SLIT3: variants seen among roughly 807,000 people sequenced by gnomAD.
The protein encoded by SLIT3 is slit homolog 3 protein.
In SLIT3, 68 loss-of-function variants were observed where a neutral mutation model predicts 184.0. The observed-to-expected ratio is 0.37, with a 90% CI of 0.30 to 0.45. The LOEUF (loss-of-function observed/expected upper bound fraction) is 0.45. Among genes scored for constraint, SLIT3 ranks in the 20% least tolerant of loss-of-function variants. SLIT3 has a pLI of 1.00. For synonymous variants in SLIT3, 831 were observed against 828.6 expected (o/e 1.00, Z -0.05); for missense variants, 1,707 against 2,026.0 (o/e 0.84, Z 3.02).
intron 18 of SLIT3, 103 bp downstream of exon 18, chr5:168,752,852 G>C: frequency 8.3e-7 from 1 of 1,205,476 alleles, no homozygotes; most frequent in Non-Finnish European, 1.2e-6. Context: ...TAAGTGGACA[G>C]ACAGATAGAT....
chr5:168,669,692 T>A, intron 35 of SLIT3, 91 bp downstream of exon 35: 1 of 1,042,964 alleles, frequency 9.6e-7, no homozygotes, highest in Non-Finnish European at 1.5e-6. Flanking sequence ...AGCCTTTAAG[T>A]GGCACAGCCA....
At chr5:168,939,669 T>G (rs1392170559) in intron 4 of SLIT3, among the ~76,000 whole-genome samples, 1 of 152,234 alleles carries the variant, frequency 6.6e-6, no homozygotes, top group Non-Finnish European at 1.5e-5. Flanking sequence ...AAATGGCTCT[T>G]TTTCATAGAT....
chr5:168,832,232 G>C (rs1026478071), intron 6 of SLIT3, among the ~76,000 whole-genome samples: 1 of 152,246 alleles, frequency 6.6e-6, no homozygotes, highest in Admixed American at 6.5e-5. Flanking sequence ...GTCCACAGAT[G>C]CAAGAGTGAC....
At chr5:169,184,927 A>C (rs1305160593) in intron 4 of SLIT3, among the ~76,000 whole-genome samples, 2 of 152,214 alleles carry the variant, frequency 1.3e-5, no homozygotes, top group African/African-American at 4.8e-5. Context: ...TTCCTAGCTC[A>C]AAAATTCTGT....
At chr5:169,179,384 C>A (rs564079247) in intron 4 of SLIT3, among the ~76,000 whole-genome samples, 1 of 150,262 alleles carries the variant, frequency 6.7e-6, no homozygotes, top group Non-Finnish European at 1.5e-5. Flanking sequence ...GCTAGACAAT[C>A]CCTTTCAATG....
intron 15 of SLIT3, among the ~76,000 whole-genome samples, chr5:168,761,154 G>A (rs545157594): frequency 1.2e-4 from 19 of 152,264 alleles, no homozygotes; most frequent in African/African-American, 1.9e-4. Context: ...AGCCTCCTTC[G>A]GCTGGGGTTT....
chr5:169,278,333 G>A (rs1766884832), intron 1 of SLIT3, among the ~76,000 whole-genome samples: 1 of 152,210 alleles, frequency 6.6e-6, no homozygotes, highest in Non-Finnish European at 1.5e-5. Flanking sequence ...CTGAAAAGTA[G>A]GATAAGCTAT....
At chr5:168,689,702 A>G (rs1419802191) in intron 29 of SLIT3, among the ~76,000 whole-genome samples, 1 of 152,240 alleles carries the variant, frequency 6.6e-6, no homozygotes, top group Non-Finnish European at 1.5e-5. Flanking sequence ...GGGAACGTAC[A>G]AGGAGAACTC....
chr5:168,839,386 CAG>C (rs968531262), intron 6 of SLIT3, among the ~76,000 whole-genome samples: 31 of 152,296 alleles, frequency 2.0e-4, no homozygotes, highest in African/African-American at 7.5e-4. Context: ...GGGTCAGTGG[CAG>C]AGTGGGGTCT....
At chr5:169,042,902 C>T (rs148408795) in intron 4 of SLIT3, among the ~76,000 whole-genome samples, 235 of 152,300 alleles carry the variant, frequency 1.5e-3, no homozygotes, top group Non-Finnish European at 2.6e-3. Flanking sequence ...GGCTTACTAT[C>T]GGCTTCCTTA....
intron 1 of SLIT3, among the ~76,000 whole-genome samples, chr5:169,273,741 C>T (rs58606113): frequency 0.28 from 42,853 of 151,944 alleles, 6,207 homozygotes; most frequent in South Asian, 0.38. Context: ...ATAAGGTAAA[C>T]CTTCAGGACT....
At chr5:168,796,816 C>G (rs1318706517) in intron 9 of SLIT3, among the ~76,000 whole-genome samples, 1 of 152,034 alleles carries the variant, frequency 6.6e-6, no homozygotes, top group African/African-American at 2.4e-5. Context: ...AGCAGTTTGC[C>G]AGCAATTTTC....
At chr5:168,702,851 G>GA (rs1173094333) in intron 26 of SLIT3, among the ~76,000 whole-genome samples, 2 of 152,142 alleles carry the variant, frequency 1.3e-5, no homozygotes, top group African/African-American at 4.8e-5. Flanking sequence ...GCAGGACAAA[G>GA]AACCTTGAGA....
Position 168,913,250 on chromosome 5 carries a change from A to C in SLIT3, c.414-29914T>G, listed in dbSNP as rs530349182. Among the ~76,000 whole-genome samples, 5 of 152,254 alleles carry C rather than the reference A, an allele frequency of 3.3e-5. No individual in the cohort carries two copies. In the East Asian group the frequency reaches 5.8e-4, roughly 18 times the overall value. On this transcript the variant is annotated intron_variant, in intron 4 of 35. Transcript: ENST00000519560. ...CATTATTTCTAATGGCAAAAACTGC[A>C]ATTAGTTTTGCACCAATCAATACAT...
intron 4 of SLIT3, among the ~76,000 whole-genome samples, chr5:168,926,862 CA>C (rs745928959): frequency 2.1e-4 from 31 of 147,518 alleles, no homozygotes; most frequent in East Asian, 1.2e-3. Flanking sequence ...TGGCTACTAT[CA>C]AAAAAAAAAC....
At chr5:169,173,838 T>TGCTC (rs1762888434) in intron 4 of SLIT3, among the ~76,000 whole-genome samples, 1 of 152,162 alleles carries the variant, frequency 6.6e-6, no homozygotes, top group South Asian at 2.1e-4. Flanking sequence ...GAAGTGTGTT[T>TGCTC]GCTCCAGTCT....
intron 4 of SLIT3, among the ~76,000 whole-genome samples, chr5:168,929,010 C>T (rs75153272): frequency 0.013 from 1,998 of 152,218 alleles, 60 homozygotes; most frequent in East Asian, 0.13. Context: ...TAAGTAATAA[C>T]GATGATAATA....
Position 168,671,314 on chromosome 5 carries a change from C to G in SLIT3, c.4011G>C (p.Val1337=). The G allele has an allele frequency of 6.2e-7, 1 of 1,614,000 alleles. No homozygotes were observed. Residue 1337 remains valine, a synonymous_variant, in exon 34 of 36, where the codon GTG becomes GTC. Transcript: ENST00000519560. ...CGGAGCGGCACAGGCCGTGCTTGCA[C>G]ACGGTGCAGGACTTGCAGCCTGGTG... ...GVSPGCKSCT[V]CKHGLCRSVE...
At chr5:169,059,549 C>T (rs964838936) in intron 4 of SLIT3, among the ~76,000 whole-genome samples, 2 of 152,202 alleles carry the variant, frequency 1.3e-5, no homozygotes, top group Non-Finnish European at 2.9e-5. Flanking sequence ...TCCATGTCTA[C>T]ACTGTAGAAG....
Sources: allele counts gnomAD v4.1 joint callset (sites outside exome capture counted in the v4.1 genomes callset), GRCh38; gene constraint gnomAD v4.1.1; transcripts MANE v1.5; gene names NCBI Gene and HGNC (gene_info 2026-07-23, HGNC 2026-07-21).